Variants in MARCHF8 observed in about 807,000 individuals in gnomAD.
MARCHF8 encodes membrane associated ring-CH-type finger 8, also known as E3 ubiquitin-protein ligase MARCHF8.
Under a neutral mutation model 51.6 loss-of-function variants are expected in MARCHF8, and 40 were observed. The observed-to-expected ratio is 0.77, with a 90% CI of 0.60 to 1.01. The LOEUF is 1.01. MARCHF8 is among the 50% of genes least tolerant of loss of function. MARCHF8 has a pLI of 0.00. For synonymous variants in MARCHF8, 263 were observed against 280.3 expected (o/e 0.94, Z 0.62); for missense variants, 685 against 708.6 (o/e 0.97, Z 0.38).
chr10:45,475,892 C>G (rs2042778605), intron 3 of MARCHF8, among the ~76,000 whole-genome samples: 1 of 152,146 alleles, frequency 6.6e-6, no homozygotes, highest in Non-Finnish European at 1.5e-5. Flanking sequence ...GTATCCCTGT[C>G]CCCAGCAAAA....
rs549653916 is a variant in MARCHF8 at position 45,571,653 on chromosome 10, C to A, written c.-79+22582G>T. On this transcript the variant is annotated intron_variant, in intron 1 of 6. Coordinates refer to the MARCHF8 transcript ENST00000319836. Reference sequence around the variant, plus strand: ...CTGCTCTTTGCTCTGTGAGAAAGGTCCACCTACGACCTCTGGTCCTCTGAC... The same window carrying A: ...CTGCTCTTTGCTCTGTGAGAAAGGTACACCTACGACCTCTGGTCCTCTGAC... 6.8e-4 allele frequency among the ~76,000 whole-genome samples: 104 copies of A among 152,266 alleles called. 1 individual carries two copies. The highest frequency in any genetic ancestry group is 2.4e-3 in the African/African-American group (101 of 41,556).
chr10:45,542,451 T>C (rs1040887642), intron 1 of MARCHF8, among the ~76,000 whole-genome samples: 10 of 151,734 alleles, frequency 6.6e-5, no homozygotes, highest in African/African-American at 2.2e-4. Context: ...TGCTACTTAG[T>C]GTAAATATTA....
intron 1 of MARCHF8, among the ~76,000 whole-genome samples, chr10:45,581,404 G>A (rs1159886361): frequency 1.3e-5 from 2 of 152,178 alleles, no homozygotes; most frequent in African/African-American, 4.8e-5. Flanking sequence ...GTGGTTAGAG[G>A]AGACCTGAGG....
At chr10:45,560,646 C>T (rs539680978) in intron 1 of MARCHF8, among the ~76,000 whole-genome samples, 19 of 149,928 alleles carry the variant, frequency 1.3e-4, no homozygotes, top group African/African-American at 4.3e-4. Context: ...CTCACTGTTT[C>T]ATTGGATACC....
intron 1 of MARCHF8, among the ~76,000 whole-genome samples, chr10:45,571,381 C>T (rs542479775): frequency 6.6e-6 from 1 of 152,330 alleles, no homozygotes; most frequent in East Asian, 1.9e-4. Context: ...ACCCCGACCC[C>T]TGCCCACCAA....
intron 7 of MARCHF8, 95 bp downstream of exon 7, chr10:45,459,025 A>G: frequency 8.5e-6 from 13 of 1,523,196 alleles, no homozygotes; most frequent in African/African-American, 1.4e-5. Context: ...CCGGAAACCC[A>G]GACGTTTTTG....
intron 1 of MARCHF8, among the ~76,000 whole-genome samples, chr10:45,548,605 GAA>G (rs2044156090): frequency 6.6e-6 from 1 of 152,158 alleles, no homozygotes. Context: ...TAAGAAAAGG[GAA>G]AAGAGAAGAT....
At chr10:45,464,079 CTA>C in intron 4 of MARCHF8, 83 bp from the exon 5 acceptor site, 1 of 1,504,610 alleles carries the variant, frequency 6.6e-7, no homozygotes, top group Non-Finnish European at 8.9e-7. Context: ...AGAAATGAGA[CTA>C]GCATGGGTAA....
intron 2 of MARCHF8, among the ~76,000 whole-genome samples, chr10:45,494,290 C>T (rs1378954178): frequency 1.3e-5 from 2 of 152,226 alleles, no homozygotes; most frequent in African/African-American, 4.8e-5. Context: ...AGACCAAATA[C>T]ACCCTGGAAA....
chr10:45,581,866 T>C (rs1048520374), intron 1 of MARCHF8, among the ~76,000 whole-genome samples: 113 of 150,948 alleles, frequency 7.5e-4, no homozygotes, highest in African/African-American at 2.5e-3. Context: ...CTTTCCCAGA[T>C]GAATCATCAA....
intron 1 of MARCHF8, among the ~76,000 whole-genome samples, chr10:45,576,109 G>A (rs995080544): frequency 1.3e-5 from 2 of 152,164 alleles, no homozygotes; most frequent in African/African-American, 4.8e-5. Flanking sequence ...TGACTTCAAG[G>A]CTTCTTACAG....
intron 3 of MARCHF8, among the ~76,000 whole-genome samples, chr10:45,476,190 C>G (rs1162483784): frequency 6.6e-6 from 1 of 152,030 alleles, no homozygotes; most frequent in Non-Finnish European, 1.5e-5. Flanking sequence ...ACAAAGGAAC[C>G]CAATAATTCT....
intron 1 of MARCHF8, among the ~76,000 whole-genome samples, chr10:45,562,297 C>A (rs1242353063): frequency 6.6e-6 from 1 of 152,112 alleles, no homozygotes; most frequent in Admixed American, 6.5e-5. Flanking sequence ...TTAAGAAGCA[C>A]AACATACACC....
chr10:45,493,997 T>A (rs1407487103), intron 2 of MARCHF8, among the ~76,000 whole-genome samples: 1 of 152,176 alleles, frequency 6.6e-6, no homozygotes, highest in Non-Finnish European at 1.5e-5. Flanking sequence ...AAAAGTAAAT[T>A]CCTATGTAAA....
chr10:45,593,120 G>A (rs1218992733), intron 1 of MARCHF8, among the ~76,000 whole-genome samples: 2 of 148,678 alleles, frequency 1.3e-5, no homozygotes, highest in East Asian at 1.9e-4. Flanking sequence ...TTTGAAAAGA[G>A]AAAACCTTTC....
At chr10:45,588,229 C>T (rs1353800529) in intron 1 of MARCHF8, among the ~76,000 whole-genome samples, 5 of 150,960 alleles carry the variant, frequency 3.3e-5, no homozygotes, top group African/African-American at 7.3e-5. Flanking sequence ...AATGAAATTT[C>T]GAAACACTTT....
intron 2 of MARCHF8, among the ~76,000 whole-genome samples, chr10:45,523,730 C>G (rs2133244243): frequency 6.6e-6 from 1 of 152,254 alleles, no homozygotes; most frequent in Middle Eastern, 3.4e-3. Context: ...TCATACACCA[C>G]CTTGACTCAA....
chr10:45,470,046 A>G (rs180926165), intron 3 of MARCHF8, among the ~76,000 whole-genome samples: 41 of 152,324 alleles, frequency 2.7e-4, no homozygotes, highest in Admixed American at 1.1e-3. Context: ...AGGCTCTAGA[A>G]GCAAATGGCT....
At position 45,486,895 on chromosome 10, in the gene MARCHF8, C is replaced by T. The variant is rs111785107; in HGVS notation, c.153+2472G>A. Among the ~76,000 whole-genome samples the T allele has an allele frequency of 6.7e-3, 1,007 of 150,468 alleles. 5 individuals are homozygous for T. The highest frequency in any genetic ancestry group is 0.01 in the Non-Finnish European group (682 of 67,722). On this transcript the variant is annotated intron_variant, in intron 3 of 7. Transcript: ENST00000453424. The stretch of plus-strand genomic sequence containing the variant: ...TGTGATCTTAGCTCACTGCAACCTC[C>T]GCCTCCCAGGTTCAAGCGATTCTCC...
Sources: allele counts gnomAD v4.1 joint callset (sites outside exome capture counted in the v4.1 genomes callset), GRCh38; gene constraint gnomAD v4.1.1; transcripts MANE v1.5; gene names NCBI Gene and HGNC (gene_info 2026-07-23, HGNC 2026-07-21).